Variants in DAAM2 observed in about 807,000 individuals in gnomAD.
DAAM2 encodes dishevelled associated activator of morphogenesis 2, also known as disheveled-associated activator of morphogenesis 2.
DAAM2 carries 39 observed loss-of-function variants against 120.7 expected under a neutral mutation model. The observed-to-expected ratio is 0.32, with a 90% CI of 0.25 to 0.42. The LOEUF is 0.42. DAAM2 is among the 10% of genes least tolerant of loss of function. The pLI, the probability that DAAM2 is intolerant of heterozygous loss-of-function variation, is 1.00. For missense variants in DAAM2, 1,283 were observed against 1,401.7 expected (o/e 0.92, Z 1.35); for synonymous variants, 488 against 524.9 (o/e 0.93, Z 0.96).
intron 11 of DAAM2, among the ~76,000 whole-genome samples, chr6:39,877,403 G>A (rs1271009874): frequency 6.6e-6 from 1 of 152,138 alleles, no homozygotes; most frequent in Non-Finnish European, 1.5e-5. Flanking sequence ...CTTGGGGAAG[G>A]CCCAAAGAAA....
chr6:39,872,300 C>T (rs1764694296), intron 9 of DAAM2, among the ~76,000 whole-genome samples: 1 of 152,170 alleles, frequency 6.6e-6, no homozygotes, highest in Admixed American at 6.5e-5. Flanking sequence ...AAGTTGACAC[C>T]TAAAACGAAC....
At chr6:39,807,531 T>G (rs1401773709) in intron 1 of DAAM2, among the ~76,000 whole-genome samples, 1 of 152,110 alleles carries the variant, frequency 6.6e-6, no homozygotes, top group Non-Finnish European at 1.5e-5. Flanking sequence ...TTTATTTTAT[T>G]TTTGAGACAG....
intron 2 of DAAM2, among the ~76,000 whole-genome samples, chr6:39,858,875 AGAG>A (rs913128342): frequency 5.3e-5 from 8 of 152,248 alleles, no homozygotes; most frequent in Non-Finnish European, 7.4e-5. Flanking sequence ...GTAGGATAGA[AGAG>A]GAGAAGTCAT....
intron 2 of DAAM2, among the ~76,000 whole-genome samples, chr6:39,860,241 G>A (rs1764157388): frequency 6.6e-6 from 1 of 152,214 alleles, no homozygotes; most frequent in Admixed American, 6.5e-5. Flanking sequence ...CTAGCCTGAT[G>A]GAGCCCCGTG....
chr6:39,873,642 G>A (rs924554423), intron 10 of DAAM2, among the ~76,000 whole-genome samples: 1 of 152,236 alleles, frequency 6.6e-6, no homozygotes, highest in East Asian at 1.9e-4. Context: ...AAATAGCTCA[G>A]CTTTCAGCTC....
At chr6:39,869,056 T>C (rs772704802) in intron 7 of DAAM2, 123 bp downstream of exon 7, 10 of 728,256 alleles carry the variant, frequency 1.4e-5, no homozygotes, top group Non-Finnish European at 2.4e-5. Context: ...TCCTGGGGAG[T>C]TGCCTACATA....
Position 39,868,831 on chromosome 6 carries a change from G to T in DAAM2, c.771G>T (p.Leu257=). The change falls in exon 7 of 25, where the codon CTG becomes CTT. Residue 257 remains leucine, a synonymous_variant. Coordinates refer to ENST00000274867, the MANE Select transcript of DAAM2 (RefSeq NM_001201427.2). Reference sequence around the variant, plus strand: ...CCTGCATTTCCACCTAGACCCTGCTGAACGAGCTAGACCGAAGTCTGGGCC... The same window carrying T: ...CCTGCATTTCCACCTAGACCCTGCTTAACGAGCTAGACCGAAGTCTGGGCC... ...AAERTRFQTL[L]NELDRSLGRY... 6.3e-7 allele frequency: 1 copy of T among 1,577,650 alleles called. No individual in the cohort carries two copies. The highest frequency in any genetic ancestry group is 1.8e-5 in the Admixed American group (1 of 54,692).
At chr6:39,805,769 G>A (rs1455970442) in intron 1 of DAAM2, among the ~76,000 whole-genome samples, 1 of 151,994 alleles carries the variant, frequency 6.6e-6, no homozygotes, top group Non-Finnish European at 1.5e-5. Context: ...TGGCAGGATG[G>A]TCTCCATCTC....
At chr6:39,836,370 T>C (rs946521300) in intron 1 of DAAM2, among the ~76,000 whole-genome samples, 1 of 152,194 alleles carries the variant, frequency 6.6e-6, no homozygotes, top group Non-Finnish European at 1.5e-5. Flanking sequence ...ATCTACAGTT[T>C]ATCCACATTT....
chr6:39,898,568 A>G (rs1766269112), intron 21 of DAAM2, among the ~76,000 whole-genome samples: 1 of 152,250 alleles, frequency 6.6e-6, no homozygotes, highest in Non-Finnish European at 1.5e-5. Flanking sequence ...ACCTGGTAGT[A>G]ATAAAAATAA....
At chr6:39,802,454 GAAAAA>G (rs1446066919) in intron 1 of DAAM2, among the ~76,000 whole-genome samples, 1 of 151,984 alleles carries the variant, frequency 6.6e-6, no homozygotes, top group African/African-American at 2.4e-5. Context: ...TAAAAAAAAA[GAAAAA>G]AGAAAGTCCT....
intron 1 of DAAM2, among the ~76,000 whole-genome samples, chr6:39,830,565 T>C (rs1416348343): frequency 6.6e-6 from 1 of 152,092 alleles, no homozygotes; most frequent in Non-Finnish European, 1.5e-5. Context: ...GCAGTGCAGC[T>C]GGGCCAGCAG....
At chr6:39,833,535 T>C (rs1762995124) in intron 1 of DAAM2, among the ~76,000 whole-genome samples, 1 of 152,206 alleles carries the variant, frequency 6.6e-6, no homozygotes, top group Non-Finnish European at 1.5e-5. Flanking sequence ...CTCGAACTCA[T>C]GACCTCAAGT....
chr6:39,831,981 T>C (rs1387956837), intron 1 of DAAM2, among the ~76,000 whole-genome samples: 6 of 18,890 alleles, frequency 3.2e-4, no homozygotes, highest in African/African-American at 8.6e-4. Context: ...GTAGGTGCAC[T>C]GGGGGGTAGG....
intron 5 of DAAM2, among the ~76,000 whole-genome samples, chr6:39,866,371 A>G (rs1384162290): frequency 1.3e-5 from 2 of 152,250 alleles, no homozygotes; most frequent in African/African-American, 4.8e-5. Context: ...AAAGTAAAAA[A>G]ATAGCTATTG....
intron 11 of DAAM2, among the ~76,000 whole-genome samples, chr6:39,875,880 C>T (rs1290731039): frequency 6.6e-6 from 1 of 152,194 alleles, no homozygotes; most frequent in East Asian, 1.9e-4. Context: ...GAACAAGGGT[C>T]AGCAAACTAT....
rs945553190 is a variant in DAAM2, at chr6:39,882,870, G to A, written c.1846-1092G>A. Among the ~76,000 whole-genome samples, 4 of 152,026 alleles carry A rather than the reference G, an allele frequency of 2.6e-5. No individual in the cohort carries two copies. In the South Asian group the frequency reaches 8.3e-4, roughly 32 times the overall value. On this transcript the variant is annotated intron_variant, in intron 14 of 24. Coordinates refer to ENST00000274867, the MANE Select transcript of DAAM2 (RefSeq NM_001201427.2). ...ACAAGAGGGTCCCTGGCCTTCAGAA[G>A]GCCACAGGAATGTCCCCACCCCCTG...
Position 39,896,916 on chromosome 6 carries a change from G to A in DAAM2, c.2446G>A (p.Gly816Ser), listed in dbSNP as rs766125641. 9.3e-6 allele frequency: 15 copies of A among 1,613,616 alleles called. No individual in the cohort carries two copies. Among genetic ancestry groups the A allele is most frequent in the Non-Finnish European group, 1.1e-5 (13 of 1,179,802 alleles). Reference protein sequence around the residue: ...GNFMNKGQRGGAYGFRVASLN... With the variant: ...GNFMNKGQRGSAYGFRVASLN... ...CTTCATGAACAAAGGGCAGCGTGGG[G>A]GCGCCTACGGGTTCCGGGTGGCCAG... The change falls in exon 20 of 25, where the codon GGC (glycine) becomes AGC (serine). Residue 816 changes from glycine (G) to serine (S), a missense_variant. Around this residue, in one of 3 missense-constraint regions of DAAM2, gnomAD observed 748 missense variants for 768.6 expected, o/e 0.97. Transcript: ENST00000274867.
chr6:39,865,154 G>A, intron 5 of DAAM2, 80 bp downstream of exon 5: 1 of 833,726 alleles, frequency 1.2e-6, no homozygotes. Context: ...CCTGTGCAGT[G>A]CTCTGCTCCC....
Sources: allele counts gnomAD v4.1 joint callset (sites outside exome capture counted in the v4.1 genomes callset), GRCh38; gene constraint gnomAD v4.1.1; regional missense constraint gnomAD v4.1.1; transcripts MANE v1.5; gene names NCBI Gene and HGNC (gene_info 2026-07-23, HGNC 2026-07-21).